The following UGT2B15 variants were observed in gnomAD, a reference collection of about 807,000 sequenced individuals.
UGT2B15 encodes the protein UDP glucuronosyltransferase family 2 member B15, also known as UDP-glucuronosyltransferase 2B15.
In UGT2B15, 36 loss-of-function variants were observed where a neutral mutation model predicts 45.9. That is an observed-to-expected ratio of 0.78 (90% CI 0.60 to 1.04). The LOEUF is 1.04. UGT2B15 is among the 50% of genes least tolerant of loss of function. The probability of loss-of-function intolerance (pLI) is 0.00; values close to 1 mark genes in which losing one functional copy is unlikely to be tolerated. For missense variants in UGT2B15, 617 were observed against 622.4 expected, an observed-to-expected ratio of 0.99 and a Z score of 0.09; for synonymous variants, 219 against 216.4, an observed-to-expected ratio of 1.01 and a Z score of -0.11.
At chr4:68,651,035 T>C (rs1732639088) in intron 5 of UGT2B15, among the ~76,000 whole-genome samples, 1 of 149,896 alleles carries the variant, frequency 6.7e-6, no homozygotes, top group Non-Finnish European at 1.5e-5. Flanking sequence ...AACTTTCTTG[T>C]AGATTCCGGA....
At position 68,658,890 on chromosome 4, in the gene UGT2B15, G is replaced by A. The variant is rs1732884102; in HGVS notation, c.1006-3708C>T. Among the ~76,000 whole-genome samples the A allele has an allele frequency of 1.3e-5, 2 of 152,036 alleles. 1 individual carries two copies. Among genetic ancestry groups the A allele is most frequent in the Non-Finnish European group, 2.9e-5 (2 of 67,980 alleles). Reference sequence around the variant, plus strand: ...AGGTCCAGGGACTATCACAGAAGAGGTGGGTGTGTGAGATTTTAAGAACTG... The same window carrying A: ...AGGTCCAGGGACTATCACAGAAGAGATGGGTGTGTGAGATTTTAAGAACTG... On this transcript the variant is annotated intron_variant, in intron 3 of 5. Transcript: ENST00000338206.
At position 68,654,068 on chromosome 4, in the gene UGT2B15, T is replaced by G; in HGVS notation, c.1282A>C (p.Asn428His). 6.2e-7 allele frequency: 1 copy of G among 1,613,488 alleles called. No individual in the cohort carries two copies. The highest frequency in any genetic ancestry group is 8.5e-7 in the Non-Finnish European group (1 of 1,179,568). ...IRTMSSRDLL[N>H]ALKSVINDPV... ...TCATTAATGACTGACTTCAATGCAT[T>G]GAGCAAATCTCTACTTGACATGGTC... Residue 428 changes from asparagine to histidine, a missense_variant, in exon 5 of 6, where the codon AAT (asparagine) becomes CAT (histidine). Coordinates refer to ENST00000338206, the MANE Select transcript of UGT2B15 (RefSeq NM_001076.4).
chr4:68,661,668 C>T (rs546551881), intron 3 of UGT2B15, among the ~76,000 whole-genome samples: 1 of 152,150 alleles, frequency 6.6e-6, no homozygotes, highest in South Asian at 2.1e-4. Flanking sequence ...AATAATGCTA[C>T]ATATGTAGTA....
chr4:68,660,160 T>C (rs950802057), intron 3 of UGT2B15, among the ~76,000 whole-genome samples: 3 of 151,704 alleles, frequency 2.0e-5, no homozygotes, highest in African/African-American at 4.8e-5. Context: ...AGAAACTGGT[T>C]ATTTTATCAA....
At chr4:68,660,131 T>C (rs1400984208) in intron 3 of UGT2B15, among the ~76,000 whole-genome samples, 1 of 151,608 alleles carries the variant, frequency 6.6e-6, no homozygotes, top group Admixed American at 6.6e-5. Context: ...TATTTTCATT[T>C]TTAACAAAAC....
intron 5 of UGT2B15, among the ~76,000 whole-genome samples, 178 bp from the exon 6 acceptor site, chr4:68,647,561 G>A (rs1374502438): frequency 1.3e-5 from 2 of 151,866 alleles, no homozygotes; most frequent in Non-Finnish European, 2.9e-5. Context: ...TTTTTAAATT[G>A]GAGTTTTATC....
At chr4:68,648,232 T>G (rs1732539340) in intron 5 of UGT2B15, among the ~76,000 whole-genome samples, 1 of 152,068 alleles carries the variant, frequency 6.6e-6, no homozygotes, top group African/African-American at 2.4e-5. Flanking sequence ...AAATCTGTCT[T>G]TGGTCTAGAG....
chr4:68,664,045 AG>A (rs1423684431), intron 2 of UGT2B15, among the ~76,000 whole-genome samples: 1 of 152,080 alleles, frequency 6.6e-6, no homozygotes, highest in East Asian at 1.9e-4. Context: ...TGTGTCTCAC[AG>A]GGGGCACTTG....
At chr4:68,662,026 A>G (rs1732982364) in intron 3 of UGT2B15, among the ~76,000 whole-genome samples, 1 of 152,032 alleles carries the variant, frequency 6.6e-6, no homozygotes, top group African/African-American at 2.4e-5. Context: ...TATAAACTGG[A>G]GTAGAATTTA....
chr4:68,668,318 A>G, intron 1 of UGT2B15, 130 bp from the exon 2 acceptor site: 1 of 1,262,196 alleles, frequency 7.9e-7, no homozygotes, highest in Non-Finnish European at 1.1e-6. Context: ...TGCATTGATA[A>G]AATATATATA....
At chr4:68,661,605 T>A (rs1480676919) in intron 3 of UGT2B15, among the ~76,000 whole-genome samples, 1 of 152,096 alleles carries the variant, frequency 6.6e-6, no homozygotes, top group East Asian at 1.9e-4. Context: ...TTTTATGAAT[T>A]TGACATCATT....
rs1733195101 is a variant in UGT2B15 at position 68,668,118 on chromosome 4, A to G, written c.795T>C (p.Phe265=). The G allele has an allele frequency of 1.9e-6, 3 of 1,613,856 alleles. 1 individual carries two copies. In the Admixed American group the frequency reaches 5.0e-5, roughly 27 times the overall value. ...TTGGTAAGAATGGGCGAGGAAATTCAAAATCCCAATAGGTTCGAATGAGCC... is the reference window on the plus strand; with the variant it reads ...TTGGTAAGAATGGGCGAGGAAATTCGAAATCCCAATAGGTTCGAATGAGCC... ...EMWLIRTYWD[F]EFPRPFLPNV... Residue 265 remains phenylalanine (F), a synonymous_variant, in exon 2 of 6, where the codon TTT becomes TTC. Coordinates refer to ENST00000338206, the MANE Select transcript of UGT2B15 (RefSeq NM_001076.4).
At position 68,663,882 on chromosome 4, in the gene UGT2B15, C is replaced by T. The variant is rs188155234; in HGVS notation, c.874-743G>A. On this transcript the variant is annotated intron_variant, in intron 2 of 5. Transcript: ENST00000338206. ...AGTTCTGAGAATTCCATTTATAATACAGTATTATATACTATATAGTTACAT... is the reference window on the plus strand; with the variant it reads ...AGTTCTGAGAATTCCATTTATAATATAGTATTATATACTATATAGTTACAT... Among the ~76,000 whole-genome samples the T allele has an allele frequency of 1.9e-3, 283 of 151,778 alleles. 1 individual carries two copies. Among genetic ancestry groups the T allele is most frequent in the Non-Finnish European group, 3.3e-3 (221 of 67,952 alleles).
At chr4:68,657,254 G>A (rs1257861894) in intron 3 of UGT2B15, among the ~76,000 whole-genome samples, 4 of 152,070 alleles carry the variant, frequency 2.6e-5, no homozygotes, top group African/African-American at 7.2e-5. Flanking sequence ...TTGACCCCCT[G>A]TGACATGGAG....
In UGT2B15 at chr4:68,648,831, T is replaced by C. The variant is rs1240050328; in HGVS notation, c.1314-1448A>G. Among the ~76,000 whole-genome samples, 4 of 152,098 alleles carry C rather than the reference T, an allele frequency of 2.6e-5. 1 individual carries two copies. Among genetic ancestry groups the C allele is most frequent in the Non-Finnish European group, 5.9e-5 (4 of 68,006 alleles). ...AATAATACATATTCATTTCTGTTTT[T>C]GGTTAGCAGTTGTTTAATAGCATTG... On this transcript the variant is annotated intron_variant, in intron 5 of 5. Coordinates refer to ENST00000338206, the MANE Select transcript of UGT2B15 (RefSeq NM_001076.4).
rs1327859346 is a variant in UGT2B15 at position 68,666,750 on chromosome 4, A to ATT, written c.873+1289_873+1290insAA. ...TCAAATTACATATATATATATATAT[A>ATT]TATTTTTTTTTTTTGAGACAGATTC... On this transcript the variant is annotated intron_variant, in intron 2 of 5. Coordinates refer to ENST00000338206, the MANE Select transcript of UGT2B15 (RefSeq NM_001076.4). Among the ~76,000 whole-genome samples, 740 of 120,548 alleles carry ATT rather than the reference A, an allele frequency of 6.1e-3. 6 individuals are homozygous for ATT. Among genetic ancestry groups the ATT allele is most frequent in the Admixed American group, 9.4e-3 (106 of 11,274 alleles). The allele number at this position is 120,548 out of a possible 152,430, so 79.1% of individuals were successfully genotyped here.
In UGT2B15 at chr4:68,650,459, C is replaced by G. The variant is rs1732621007; in HGVS notation, c.1314-3076G>C. Among the ~76,000 whole-genome samples the G allele has an allele frequency of 1.3e-5, 2 of 152,052 alleles. 1 individual carries two copies. On this transcript the variant is annotated intron_variant, in intron 5 of 5. Coordinates refer to ENST00000338206, the MANE Select transcript of UGT2B15 (RefSeq NM_001076.4). ...TAATGGCTTTGCATTTCATCCGTGT[C>G]CCTGCAACAGACATGATCTCATTCC...
intron 3 of UGT2B15, among the ~76,000 whole-genome samples, chr4:68,656,907 T>G (rs549148998): frequency 2.6e-5 from 4 of 152,150 alleles, no homozygotes; most frequent in African/African-American, 9.6e-5. Flanking sequence ...TACCTTGGCA[T>G]GTGTAATGGC....
chr4:68,654,686 T>C (rs1008564378), intron 4 of UGT2B15, among the ~76,000 whole-genome samples: 17 of 152,168 alleles, frequency 1.1e-4, no homozygotes, highest in Admixed American at 8.5e-4. Flanking sequence ...TAAAGATTGG[T>C]TATTTATTCC....
Sources: gnomAD v4.1 joint callset for allele counts (sites outside exome capture counted in the v4.1 genomes callset) on GRCh38, gnomAD v4.1.1 for gene constraint, MANE v1.5 for transcripts, NCBI Gene and HGNC (gene_info 2026-07-23, HGNC 2026-07-21) for gene names.